Variants in APPBP2 observed in about 807,000 individuals in gnomAD.
The protein encoded by APPBP2 is amyloid protein-binding protein 2.
In APPBP2, 15 loss-of-function variants were observed where a neutral mutation model predicts 76.0. The ratio of observed to expected loss-of-function variants is 0.20; its 90% confidence interval spans 0.13 to 0.30. The LOEUF (loss-of-function observed/expected upper bound fraction) is 0.30, where lower values mean the gene tolerates loss of function less well. APPBP2 is among the 10% of genes least tolerant of loss of function. APPBP2 has a pLI of 1.00. For missense variants in APPBP2, 401 were observed against 687.2 expected (o/e 0.58, Z 4.66); for synonymous variants, 222 against 242.2 (o/e 0.92, Z 0.77).
intron 12 of APPBP2, among the ~76,000 whole-genome samples, 183 bp from the exon 13 acceptor site, chr17:60,448,017 T>A (rs1297805531): frequency 6.6e-6 from 1 of 152,198 alleles, no homozygotes. Flanking sequence ...GAGCTATCAC[T>A]AAGACTTAAA....
rs1360342048 is a variant in APPBP2 at position 60,479,170 on chromosome 17, G to A, written c.481C>T (p.Arg161Cys). Residue 161 changes from arginine (R) to cysteine (C), a missense_variant, in exon 4 of 13, where the codon CGT (arginine) becomes TGT (cysteine). By Grantham distance (180) the Arg-to-Cys change is radical. This residue lies in a region of APPBP2 where 149 missense variants were observed against 198.4 expected (regional missense o/e 0.75). Transcript: ENST00000083182. ...TLHDEMLHWFRAVECCVRLLH... is the reference protein window; with the variant it reads ...TLHDEMLHWFCAVECCVRLLH... ...TACCTCACACAACATTCTACTGCAC[G>A]AAACCAATGAAGCATCTCATCGTGT... is the stretch of plus-strand genomic sequence containing the variant. The A allele has an allele frequency of 3.7e-6, 6 of 1,612,690 alleles. No individual in the cohort carries two copies. Among genetic ancestry groups the A allele is most frequent in the Non-Finnish European group, 4.2e-6 (5 of 1,179,580 alleles).
intron 3 of APPBP2, among the ~76,000 whole-genome samples, chr17:60,482,771 T>C (rs759129314): frequency 6.6e-6 from 1 of 152,248 alleles, no homozygotes; most frequent in Non-Finnish European, 1.5e-5. Flanking sequence ...CTCATCCTGT[T>C]TTCTGGCTGC....
At chr17:60,497,194 C>G (rs2090782867) in intron 2 of APPBP2, among the ~76,000 whole-genome samples, 1 of 152,180 alleles carries the variant, frequency 6.6e-6, no homozygotes, top group Non-Finnish European at 1.5e-5. Context: ...GAGATCCTGT[C>G]ATCTGCAACA....
At chr17:60,482,100 CA>C (rs1423490209) in intron 3 of APPBP2, among the ~76,000 whole-genome samples, 1 of 152,136 alleles carries the variant, frequency 6.6e-6, no homozygotes, top group Non-Finnish European at 1.5e-5. Context: ...AGGCTGGTCT[CA>C]AACTTCTAAC....
chr17:60,454,499 A>T lies in APPBP2; in HGVS notation c.1148-7T>A, dbSNP rs745708849. The stretch of plus-strand genomic sequence containing the variant: ...ATCTCCTCTAAAATAAGTGCTAAAA[A>T]AGAAGGCAATAAATTAGTGTACTTC... On this transcript the variant is annotated splice_region_variant and splice_polypyrimidine_tract_variant and intron_variant, in intron 10 of 12. Coordinates refer to ENST00000083182, the MANE Select transcript of APPBP2 (RefSeq NM_006380.5). 6.3e-7 allele frequency: 1 copy of T among 1,576,882 alleles called. No homozygotes were observed. The highest frequency in any genetic ancestry group is 1.4e-5 in the African/African-American group (1 of 73,152).
chr17:60,518,507 T>A (rs996908732), intron 1 of APPBP2, among the ~76,000 whole-genome samples: 1 of 150,554 alleles, frequency 6.6e-6, no homozygotes, highest in Non-Finnish European at 1.5e-5. Flanking sequence ...CCCAGCCGTG[T>A]GTGTGTGTGT....
intron 1 of APPBP2, among the ~76,000 whole-genome samples, chr17:60,524,366 AT>A (rs2091033416): frequency 6.6e-6 from 1 of 152,160 alleles, no homozygotes; most frequent in Non-Finnish European, 1.5e-5. Context: ...GACAAATCTA[AT>A]TTGTCCTTCC....
Position 60,474,183 on chromosome 17 carries a change from T to A in APPBP2, c.503+4965A>T, listed in dbSNP as rs58532694. Among the ~76,000 whole-genome samples the A allele has an allele frequency of 6.8e-3, 1,035 of 151,976 alleles. 3 individuals are homozygous for A. The highest frequency in any genetic ancestry group is 0.011 in the Non-Finnish European group (734 of 67,982). ...TAAATTTCATTTTTTTTTTATTTTTTTTTTTTGAGACAGAGTTTTGCTCGT... is the reference window on the plus strand; with the variant it reads ...TAAATTTCATTTTTTTTTTATTTTTATTTTTTGAGACAGAGTTTTGCTCGT... On this transcript the variant is annotated intron_variant, in intron 4 of 12. Transcript: ENST00000083182.
intron 6 of APPBP2, chr17:60,462,266 TAA>T (rs1245824958): frequency 7.9e-6 from 4 of 506,480 alleles, no homozygotes; most frequent in Non-Finnish European, 1.4e-5. Flanking sequence ...GGGAAAATTA[TAA>T]AGTTTAAAAT....
intron 1 of APPBP2, 30 bp from the exon 2 acceptor site, chr17:60,500,517 T>A (rs1208336254): frequency 6.5e-7 from 1 of 1,535,390 alleles, no homozygotes. Flanking sequence ...ATTTAAAAAT[T>A]TTGCAATTTA....
At chr17:60,518,567 G>A (rs1206559656) in intron 1 of APPBP2, among the ~76,000 whole-genome samples, 1 of 152,002 alleles carries the variant, frequency 6.6e-6, no homozygotes. Context: ...GAGGCTGAGA[G>A]TGCAGTGTCA....
chr17:60,505,674 C>CG, intron 1 of APPBP2, among the ~76,000 whole-genome samples: 1 of 98,272 alleles, frequency 1.0e-5, no homozygotes, highest in Non-Finnish European at 1.8e-5. Flanking sequence ...CTGACCCCTG[C>CG]GGTTTTTTTT....
At chr17:60,512,574 C>T (rs887349312) in intron 1 of APPBP2, among the ~76,000 whole-genome samples, 1 of 151,722 alleles carries the variant, frequency 6.6e-6, no homozygotes, top group Non-Finnish European at 1.5e-5. Context: ...CGGTGGCTCA[C>T]ACCTGTAATC....
intron 3 of APPBP2, among the ~76,000 whole-genome samples, chr17:60,489,907 C>T (rs770607992): frequency 6.6e-6 from 1 of 151,888 alleles, no homozygotes; most frequent in Non-Finnish European, 1.5e-5. Flanking sequence ...TGGTGGCACA[C>T]GCCTGTAATC....
rs2090341294 is a variant in APPBP2, at chr17:60,445,810, TA to T, written c.*1770del. On this transcript the variant is annotated 3_prime_UTR_variant, in exon 13 of 13. Transcript: ENST00000083182. ...GATTTGAGGAGTAAACTCAGGTTTC[TA>T]AATCACACAGTTACCATCTTAGGGT... The T allele has an allele frequency of 6.6e-6, 1 of 152,176 alleles. No individual in the cohort carries two copies. Among genetic ancestry groups the T allele is most frequent in the Non-Finnish European group, 1.5e-5 (1 of 68,034 alleles). The allele number at this position is 152,176 out of a possible 1,614,324, so 9.4% of individuals were successfully genotyped here. A position where few individuals can be genotyped will look rare whatever the true frequency, so the allele number is the denominator to read the frequency against.
intron 10 of APPBP2, among the ~76,000 whole-genome samples, chr17:60,455,775 G>T (rs1430694082): frequency 7.1e-6 from 1 of 141,504 alleles, no homozygotes; most frequent in African/African-American, 3.2e-5. Flanking sequence ...AGAAATTCTG[G>T]CTTACTGATT....
At chr17:60,455,567 G>C (rs1430479230) in intron 10 of APPBP2, among the ~76,000 whole-genome samples, 1 of 152,158 alleles carries the variant, frequency 6.6e-6, no homozygotes, top group African/African-American at 2.4e-5. Flanking sequence ...TGGAAGATAG[G>C]GGTATTTTGC....
In APPBP2 at chr17:60,525,970, C is replaced by T. The variant is rs1365693573; in HGVS notation, c.-39G>A. ...TCCTCCGCCTCCTCCGCCTCCTCCT[C>T]CCGAAGGCCCCCACCTCCCTCCGTA... On this transcript the variant is annotated 5_prime_UTR_variant, in exon 1 of 13. Coordinates refer to ENST00000083182, the MANE Select transcript of APPBP2 (RefSeq NM_006380.5). 1.3e-6 allele frequency: 2 copies of T among 1,542,164 alleles called. No homozygotes were observed. The highest frequency in any genetic ancestry group is 2.0e-5 in the Admixed American group (1 of 50,992).
At chr17:60,492,306 T>C (rs544280623) in intron 3 of APPBP2, among the ~76,000 whole-genome samples, 1 of 152,256 alleles carries the variant, frequency 6.6e-6, no homozygotes, top group African/African-American at 2.4e-5. Context: ...AAGGGAAATA[T>C]TGGGTTGAAG....
Sources: gnomAD v4.1 joint callset for allele counts (sites outside exome capture counted in the v4.1 genomes callset) on GRCh38, gnomAD v4.1.1 for gene constraint, gnomAD v4.1.1 regional missense constraint, MANE v1.5 for transcripts, NCBI Gene and HGNC (gene_info 2026-07-23, HGNC 2026-07-21) for gene names.